TMEM117: variants seen among roughly 807,000 people sequenced by gnomAD.
The protein encoded by TMEM117 is transmembrane protein 117.
In TMEM117, 27 loss-of-function variants were observed where a neutral mutation model predicts 52.4. The observed-to-expected ratio is 0.51, with a 90% CI of 0.38 to 0.71. The LOEUF (loss-of-function observed/expected upper bound fraction) is 0.71, where lower values mean the gene tolerates loss of function less well. Ranked by LOEUF, TMEM117 falls within the 30% of genes least tolerant of loss-of-function variation. The pLI, the probability that TMEM117 is intolerant of heterozygous loss-of-function variation, is 0.00. For missense variants in TMEM117, 556 were observed against 630.5 expected (o/e 0.88, Z 1.26); for synonymous variants, 215 against 206.3 (o/e 1.04, Z -0.36).
intron 4 of TMEM117, among the ~76,000 whole-genome samples, chr12:44,155,689 C>T (rs759272993): frequency 2.0e-5 from 3 of 152,024 alleles, no homozygotes; most frequent in South Asian, 4.1e-4. Flanking sequence ...AGGGCAGCTG[C>T]GTTGAACCAG....
At chr12:43,875,220 A>AGTGTGTGT (rs63614060) in intron 2 of TMEM117, among the ~76,000 whole-genome samples, 1 of 148,146 alleles carries the variant, frequency 6.8e-6, no homozygotes, top group African/African-American at 2.5e-5. Flanking sequence ...ATGGTGGGGA[A>AGTGTGTGT]GTGTGTGTGT....
intron 5 of TMEM117, among the ~76,000 whole-genome samples, chr12:44,296,698 G>A (rs1020915469): frequency 1.3e-4 from 20 of 152,228 alleles, no homozygotes; most frequent in African/African-American, 4.8e-4. Context: ...AGGTCCCTGT[G>A]TGGGAAGAAA....
intron 3 of TMEM117, among the ~76,000 whole-genome samples, chr12:44,051,308 A>G (rs919255023): frequency 1.3e-5 from 2 of 152,150 alleles, no homozygotes; most frequent in African/African-American, 4.8e-5. Flanking sequence ...GAGGATACTA[A>G]TAATAATAAT....
chr12:43,798,717 T>G, the TMEM117 span: 1 of 1,016,330 alleles, frequency 9.8e-7, no homozygotes, highest in East Asian at 2.7e-5. Flanking sequence ...TTAAATGATA[T>G]TCAACCATTC....
At chr12:44,302,482 T>C (rs1210959351) in intron 6 of TMEM117, among the ~76,000 whole-genome samples, 1 of 152,262 alleles carries the variant, frequency 6.6e-6, no homozygotes, top group Non-Finnish European at 1.5e-5. Flanking sequence ...GATCCTACCA[T>C]TGGAGACCAT....
At chr12:44,010,148 T>C (rs933087866) in intron 3 of TMEM117, 2 of 515,930 alleles carry the variant, frequency 3.9e-6, no homozygotes, top group Non-Finnish European at 7.8e-6. Context: ...CATTGTTTGC[T>C]CTAGGAACAG....
At chr12:44,094,281 G>A (rs764821508) in intron 3 of TMEM117, among the ~76,000 whole-genome samples, 1 of 152,056 alleles carries the variant, frequency 6.6e-6, no homozygotes, top group Non-Finnish European at 1.5e-5. Context: ...ATCTCTGTGT[G>A]GTGCATGTCA....
At chr12:44,077,880 G>A (rs759450765) in intron 3 of TMEM117, among the ~76,000 whole-genome samples, 2 of 151,960 alleles carry the variant, frequency 1.3e-5, no homozygotes, top group Non-Finnish European at 2.9e-5. Flanking sequence ...CTTATTTATA[G>A]AAAATATTTT....
chr12:43,894,652 T>G (rs890404748), intron 2 of TMEM117, among the ~76,000 whole-genome samples: 6 of 152,076 alleles, frequency 3.9e-5, no homozygotes, highest in African/African-American at 1.4e-4. Flanking sequence ...TGGTATTTGG[T>G]TTTCTGTTCC....
rs1950740525 is a variant in TMEM117, at chr12:44,294,269, G to A, written c.609-5311G>A. 2.6e-5 allele frequency among the ~76,000 whole-genome samples: 4 copies of A among 152,122 alleles called. No individual in the cohort carries two copies. In the South Asian group the frequency reaches 8.3e-4, roughly 31 times the overall value. ...AGACTTTAGTCAATTTGATCATAAA[G>A]TATTCCCTCTCTATCTGTGAGGAAT... On this transcript the variant is annotated intron_variant, in intron 5 of 7. Coordinates refer to ENST00000266534, the MANE Select transcript of TMEM117 (RefSeq NM_032256.3).
intron 3 of TMEM117, chr12:44,009,279 C>T (rs1048850664): frequency 1.3e-4 from 36 of 272,622 alleles, no homozygotes; most frequent in Non-Finnish European, 1.9e-4. Context: ...ATGCAGAAAC[C>T]GATACAGGAT....
At chr12:44,317,137 G>GA (rs1951066121) in intron 6 of TMEM117, among the ~76,000 whole-genome samples, 1 of 149,622 alleles carries the variant, frequency 6.7e-6, no homozygotes, top group African/African-American at 2.5e-5. Context: ...GATCTAGTGT[G>GA]ATCCTTTGGT....
chr12:44,137,065 T>C (rs1030366840), intron 3 of TMEM117, among the ~76,000 whole-genome samples: 6 of 143,812 alleles, frequency 4.2e-5, no homozygotes, highest in African/African-American at 1.6e-4. Context: ...TCCTAAAACA[T>C]ACTATACCCT....
intron 5 of TMEM117, among the ~76,000 whole-genome samples, chr12:44,217,625 A>G (rs1035941896): frequency 3.3e-5 from 5 of 152,176 alleles, no homozygotes; most frequent in Non-Finnish European, 5.9e-5. Context: ...GGTAGAATCT[A>G]TAGGCAGGTG....
intron 2 of TMEM117, among the ~76,000 whole-genome samples, chr12:43,903,034 A>G (rs1040623711): frequency 2.6e-5 from 4 of 152,206 alleles, no homozygotes; most frequent in Non-Finnish European, 4.4e-5. Flanking sequence ...CTGTGACATT[A>G]GTAACTTTAC....
chr12:44,073,901 T>A (rs1947341559), intron 3 of TMEM117: 2 of 152,264 alleles, frequency 1.3e-5, no homozygotes, highest in Admixed American at 1.3e-4. Context: ...GTGATTATTT[T>A]AATCTGGGAA....
chr12:44,259,815 C>T (rs1950300765), intron 5 of TMEM117, among the ~76,000 whole-genome samples: 2 of 152,056 alleles, frequency 1.3e-5, no homozygotes, highest in African/African-American at 4.8e-5. Flanking sequence ...GCAACAAGAA[C>T]TCGTTATAAA....
rs577999591 is a variant in TMEM117 at position 44,146,503 on chromosome 12, C to T, written c.510+2879C>T. ...TATGCTATGTTATATGAAACATTGA[C>T]CTTTCCACATTAGACACAGGGATAG... On this transcript the variant is annotated intron_variant, in intron 4 of 7. Transcript: ENST00000266534. Among the ~76,000 whole-genome samples, 22 of 152,220 alleles carry T rather than the reference C, an allele frequency of 1.4e-4. No individual in the cohort carries two copies. The South Asian group carries it at 4.6e-3, about 32-fold the overall frequency.
chr12:43,906,907 C>T (rs568576434), intron 2 of TMEM117, among the ~76,000 whole-genome samples: 2,093 of 152,276 alleles, frequency 0.014, 36 homozygotes, highest in African/African-American at 0.048. Context: ...AAGGCGGCAG[C>T]GAGGCTGGGG....
Sources: gnomAD v4.1 joint callset for allele counts (sites outside exome capture counted in the v4.1 genomes callset) on GRCh38, gnomAD v4.1.1 for gene constraint, MANE v1.5 for transcripts, NCBI Gene and HGNC (gene_info 2026-07-23, HGNC 2026-07-21) for gene names.